NEK11: variants seen among roughly 807,000 people sequenced by gnomAD.
The protein encoded by NEK11 is serine/threonine-protein kinase Nek11.
Under a neutral mutation model 80.7 loss-of-function variants are expected in NEK11, and 72 were observed. The ratio of observed to expected loss-of-function variants is 0.89; its 90% CI spans 0.74 to 1.08. The LOEUF is 1.08. Ranked by LOEUF, NEK11 falls within the 50% of genes least tolerant of loss-of-function variation. NEK11 has a pLI of 0.00. For missense variants in NEK11, 764 were observed against 763.6 expected (o/e 1.00, Z -0.01); for synonymous variants, 251 against 260.7 (o/e 0.96, Z 0.36).
intron 14 of NEK11, among the ~76,000 whole-genome samples, chr3:131,227,852 A>G (rs1370754255): frequency 6.6e-6 from 1 of 152,162 alleles, no homozygotes; most frequent in African/African-American, 2.4e-5. Context: ...GTTACTAACA[A>G]TGTTGCATCA....
chr3:131,065,301 A>G (rs2071712469), intron 3 of NEK11, among the ~76,000 whole-genome samples: 1 of 152,232 alleles, frequency 6.6e-6, no homozygotes. Flanking sequence ...AATGACAAGG[A>G]AAACATTCCT....
chr3:131,227,471 G>A (rs1396561318), intron 14 of NEK11, among the ~76,000 whole-genome samples: 1 of 152,048 alleles, frequency 6.6e-6, no homozygotes, highest in Non-Finnish European at 1.5e-5. Context: ...TTGGAGCTCT[G>A]TGAGTTTAAG....
intron 16 of NEK11, among the ~76,000 whole-genome samples, chr3:131,271,050 C>A (rs962898094): frequency 6.6e-6 from 1 of 152,160 alleles, no homozygotes; most frequent in African/African-American, 2.4e-5. Context: ...ACTCCCCAAG[C>A]TTCCTGGGGA....
chr3:131,263,731 G>C (rs62280801), intron 16 of NEK11, among the ~76,000 whole-genome samples: 18,000 of 152,150 alleles, frequency 0.12, 1,305 homozygotes, highest in Admixed American at 0.16. Flanking sequence ...TGTATACCTA[G>C]TAATGGGGTC....
At chr3:131,240,642 A>G (rs1326941240) in intron 15 of NEK11, among the ~76,000 whole-genome samples, 5 of 152,182 alleles carry the variant, frequency 3.3e-5, no homozygotes, top group African/African-American at 9.6e-5. Context: ...CTTGGAATAC[A>G]CAAGAATCCA....
chr3:131,286,718 A>G (rs970666785), intron 17 of NEK11, among the ~76,000 whole-genome samples: 5 of 152,242 alleles, frequency 3.3e-5, no homozygotes, highest in Admixed American at 6.5e-5. Flanking sequence ...GAACCTTTCA[A>G]TTCTCAGGAT....
chr3:131,080,203 G>C (rs2075036999), intron 3 of NEK11, among the ~76,000 whole-genome samples: 1 of 152,054 alleles, frequency 6.6e-6, no homozygotes, highest in South Asian at 2.1e-4. Context: ...TGCCCTTATA[G>C]AACTGTAGGA....
intron 13 of NEK11, 111 bp downstream of exon 13, chr3:131,169,048 G>A (rs2092489564): frequency 1.5e-6 from 1 of 654,850 alleles, no homozygotes; most frequent in South Asian, 2.5e-5. Context: ...AGCCTGAAGG[G>A]TTTTAAATGT....
intron 15 of NEK11, among the ~76,000 whole-genome samples, chr3:131,242,687 G>A (rs1050358029): frequency 6.6e-6 from 1 of 152,018 alleles, no homozygotes; most frequent in Non-Finnish European, 1.5e-5. Context: ...CAAAATGCTG[G>A]GATTACAGGC....
At chr3:131,195,821 A>ATATATAT (rs1553929128) in intron 14 of NEK11, among the ~76,000 whole-genome samples, 2 of 95,212 alleles carry the variant, frequency 2.1e-5, no homozygotes, top group African/African-American at 6.9e-5. Context: ...TATATATATA[A>ATATATAT]AATTGAAGAA....
intron 17 of NEK11, among the ~76,000 whole-genome samples, chr3:131,345,223 C>T (rs892816028): frequency 3.9e-5 from 6 of 151,988 alleles, no homozygotes; most frequent in Admixed American, 2.6e-4. Context: ...AGATTCTACA[C>T]AGCAAAGGAA....
intron 10 of NEK11, among the ~76,000 whole-genome samples, chr3:131,162,144 G>A (rs1336841465): frequency 2.0e-5 from 3 of 152,168 alleles, no homozygotes; most frequent in Non-Finnish European, 4.4e-5. Flanking sequence ...TTTACATTAT[G>A]AAAACTAGTC....
At chr3:131,242,893 A>G (rs1271123088) in intron 15 of NEK11, among the ~76,000 whole-genome samples, 2 of 152,072 alleles carry the variant, frequency 1.3e-5, no homozygotes, top group African/African-American at 4.8e-5. Flanking sequence ...CCCAACCGTT[A>G]TGGGGGAAGT....
intron 17 of NEK11, among the ~76,000 whole-genome samples, chr3:131,274,134 G>T (rs1581235688): frequency 1.7e-5 from 2 of 118,970 alleles, no homozygotes; most frequent in East Asian, 5.0e-4. Context: ...ACAGTCCCCA[G>T]AGTGTGATAT....
intron 3 of NEK11, chr3:131,072,460 T>C (rs1039821762): frequency 2.6e-5 from 4 of 152,118 alleles, no homozygotes; most frequent in African/African-American, 4.8e-5. Flanking sequence ...GGTAGGGGTG[T>C]TGGGGGATGA....
At chr3:131,296,936 T>G (rs1181736060) in intron 17 of NEK11, among the ~76,000 whole-genome samples, 1 of 152,128 alleles carries the variant, frequency 6.6e-6, no homozygotes, top group Non-Finnish European at 1.5e-5. Context: ...CTTGCGATAG[T>G]TTACTGAGAA....
chr3:131,033,265 T>C (rs2065144841), intron 3 of NEK11, among the ~76,000 whole-genome samples: 1 of 152,150 alleles, frequency 6.6e-6, no homozygotes, highest in East Asian at 1.9e-4. Flanking sequence ...TCCAAGCAAT[T>C]TGACTAGATA....
intron 3 of NEK11, among the ~76,000 whole-genome samples, chr3:131,044,422 C>CAAAAAAAAAA (rs57412173): frequency 2.6e-5 from 1 of 37,764 alleles, no homozygotes; most frequent in Non-Finnish European, 3.9e-5. Flanking sequence ...AAATGGAAAG[C>CAAAAAAAAAA]AAAAAAAAAA....
intron 17 of NEK11, among the ~76,000 whole-genome samples, chr3:131,282,809 TA>T (rs1232849144): frequency 1.3e-5 from 2 of 151,012 alleles, no homozygotes; most frequent in Admixed American, 1.3e-4. Flanking sequence ...CAATCACTTG[TA>T]AAAATGATGG....
Sources: allele counts gnomAD v4.1 joint callset (sites outside exome capture counted in the v4.1 genomes callset), GRCh38; gene constraint gnomAD v4.1.1; transcripts MANE v1.5; gene names NCBI Gene and HGNC (gene_info 2026-07-23, HGNC 2026-07-21).